The following ACSS2 variants were observed in gnomAD, a reference collection of about 807,000 sequenced individuals.
ACSS2 encodes the protein acetyl-coenzyme A synthetase, cytoplasmic.
In ACSS2, 58 loss-of-function variants were observed where a neutral mutation model predicts 90.6. The observed-to-expected ratio is 0.64, with a 90% confidence interval of 0.52 to 0.80. The LOEUF (loss-of-function observed/expected upper bound fraction) is 0.80. Among genes scored for constraint, ACSS2 ranks in the 30% least tolerant of loss-of-function variants. The pLI, the probability that ACSS2 is intolerant of heterozygous loss-of-function variation, is 0.00. For missense variants in ACSS2, 759 were observed against 912.0 expected, an observed-to-expected ratio of 0.83 and a Z score of 2.16; for synonymous variants, 300 against 330.9, an observed-to-expected ratio of 0.91 and a Z score of 1.01.
intron 1 of ACSS2, among the ~76,000 whole-genome samples, chr20:34,877,370 A>T (rs2079941437): frequency 6.6e-6 from 1 of 152,134 alleles, no homozygotes; most frequent in South Asian, 2.1e-4. Context: ...ATCTATTTTT[A>T]GTATATCGGA....
chr20:34,905,232 A>T (rs1374960249), intron 2 of ACSS2, among the ~76,000 whole-genome samples: 1 of 151,860 alleles, frequency 6.6e-6, no homozygotes, highest in Non-Finnish European at 1.5e-5. Flanking sequence ...GCTTTAAAAA[A>T]ATTAGTGGTC....
rs986120699 is a variant in ACSS2 at position 34,927,030 on chromosome 20, C to T, written c.1979-57C>T. On this transcript the variant is annotated intron_variant, in intron 17 of 17. Transcript: ENST00000360596. This position sits in a 1 kb window ranked among gnomAD's most constrained non-coding sequence, Gnocchi z 4.2. ...GGTGTGCGTGGATGAAAGCCTTTGG[C>T]AGGGCTAGGGTGGGTCAGTGCTTTC... is the stretch of plus-strand genomic sequence containing the variant. 33 of 1,613,776 alleles carry T rather than the reference C, an allele frequency of 2.0e-5. No individual in the cohort carries two copies. The Admixed American group carries it at 5.5e-4, about 27-fold the overall frequency.
At chr20:34,924,297 C>T (rs574661687) in intron 14 of ACSS2, among the ~76,000 whole-genome samples, 2 of 152,312 alleles carry the variant, frequency 1.3e-5, no homozygotes, top group South Asian at 2.1e-4. Flanking sequence ...TAAGGGGAGA[C>T]AGACAAACCC....
rs531124938 is a variant in ACSS2 at position 34,904,983 on chromosome 20, A to G, written c.375-8113A>G. 4.7e-5 allele frequency among the ~76,000 whole-genome samples: 7 copies of G among 147,958 alleles called. No homozygotes were observed. In the East Asian group the frequency reaches 5.9e-4, roughly 13 times the overall value. ...GCTAGGCTAGAGTATAGTAGCATCA[A>G]CGTGGCTCACTGCAGCCTTGACCTC... is the stretch of plus-strand genomic sequence containing the variant. On this transcript the variant is annotated intron_variant, in intron 2 of 17. Transcript: ENST00000360596.
At chr20:34,924,563 C>T (rs569426459) in intron 14 of ACSS2, among the ~76,000 whole-genome samples, 13 of 152,082 alleles carry the variant, frequency 8.5e-5, no homozygotes, top group African/African-American at 3.1e-4. Context: ...GTGGCTGGAG[C>T]GTAGCAAGCA....
At chr20:34,915,866 G>T (rs2081066975) in intron 7 of ACSS2, among the ~76,000 whole-genome samples, 1 of 152,232 alleles carries the variant, frequency 6.6e-6, no homozygotes, top group African/African-American at 2.4e-5. Context: ...CGAGGAAAGA[G>T]TGGGCCTGAA....
chr20:34,898,960 C>G (rs6058138), intron 2 of ACSS2, among the ~76,000 whole-genome samples: 1 of 152,232 alleles, frequency 6.6e-6, no homozygotes, highest in African/African-American at 2.4e-5. Context: ...GGGAAGGCAG[C>G]TAAGGCCTGG....
chr20:34,875,157 C>A (rs186516325), upstream of ACSS2: 3 of 534,578 alleles, frequency 5.6e-6, no homozygotes, highest in East Asian at 1.1e-4. Flanking sequence ...GGAGGAGGGT[C>A]CTGCCTGACT....
chr20:34,896,012 A>G (rs935652849), intron 2 of ACSS2, among the ~76,000 whole-genome samples: 7 of 151,804 alleles, frequency 4.6e-5, no homozygotes, highest in African/African-American at 1.7e-4. Context: ...TGCTCTAGGC[A>G]TATTCCTCTT....
intron 2 of ACSS2, among the ~76,000 whole-genome samples, chr20:34,889,663 T>A (rs1430971998): frequency 1.3e-5 from 2 of 152,188 alleles, no homozygotes; most frequent in Non-Finnish European, 2.9e-5. Context: ...AGAAGCAGGG[T>A]AACCAATTAG....
chr20:34,921,687 C>A (rs1266629132), intron 12 of ACSS2, 87 bp downstream of exon 12: 3 of 1,608,416 alleles, frequency 1.9e-6, no homozygotes, highest in East Asian at 4.5e-5. Flanking sequence ...GAGAACTGGA[C>A]TGACATGTGT....
chr20:34,909,194 CAAAAA>C lies in ACSS2; in HGVS notation c.375-3883_375-3879del, dbSNP rs759144830. ...GCAACATAGTAGGATCCTGTCTTTG[CAAAAA>C]AAAAAAAAAAAAAAAAAAGGTAGCC... On this transcript the variant is annotated intron_variant, in intron 2 of 17. Coordinates refer to ENST00000360596, the MANE Select transcript of ACSS2 (RefSeq NM_018677.4). Among the ~76,000 whole-genome samples, 156 of 45,104 alleles carry C rather than the reference CAAAAA, an allele frequency of 3.5e-3. 1 individual carries two copies. Among genetic ancestry groups the C allele is most frequent in the African/African-American group, 0.012 (149 of 11,934 alleles). The allele number at this position is 45,104 out of a possible 152,430, so 29.6% of individuals were successfully genotyped here. A position where few individuals can be genotyped will look rare whatever the true frequency, so the allele number is the denominator to read the frequency against.
intron 2 of ACSS2, among the ~76,000 whole-genome samples, chr20:34,888,318 TA>T (rs767059156): frequency 5.5e-4 from 83 of 152,138 alleles, no homozygotes; most frequent in Non-Finnish European, 1.1e-3. Flanking sequence ...TAAACGTGGA[TA>T]AAAATAGCTT....
chr20:34,888,692 T>G (rs1402863015), intron 2 of ACSS2, among the ~76,000 whole-genome samples: 2 of 152,192 alleles, frequency 1.3e-5, no homozygotes, highest in African/African-American at 2.4e-5. Context: ...GAAGTGACAG[T>G]GCAGAGTGGG....
intron 2 of ACSS2, among the ~76,000 whole-genome samples, chr20:34,887,384 G>A (rs2080222131): frequency 6.6e-6 from 1 of 152,170 alleles, no homozygotes; most frequent in South Asian, 2.1e-4. Flanking sequence ...CAGATAAAAT[G>A]TGTTATTAGG....
intron 2 of ACSS2, among the ~76,000 whole-genome samples, chr20:34,902,102 T>TC (rs1235453969): frequency 9.6e-6 from 1 of 104,026 alleles, no homozygotes; most frequent in Non-Finnish European, 2.4e-5. Flanking sequence ...TAGTCTACTT[T>TC]TCCCCATAAT....
chr20:34,876,907 A>G (rs2295096), intron 1 of ACSS2, 84 bp downstream of exon 1: 214,763 of 915,512 alleles, frequency 0.23, 25,957 homozygotes, highest in South Asian at 0.37. Flanking sequence ...TCCCTTGGGA[A>G]GCTGAGGGGT....
intron 2 of ACSS2, among the ~76,000 whole-genome samples, chr20:34,898,239 T>C (rs2080515305): frequency 6.6e-6 from 1 of 152,190 alleles, no homozygotes; most frequent in Admixed American, 6.5e-5. Context: ...TTACCACTGC[T>C]GGCTGGGGCA....
intron 7 of ACSS2, chr20:34,915,070 A>G (rs1025129729): frequency 2.5e-6 from 2 of 804,404 alleles, no homozygotes; most frequent in Non-Finnish European, 4.2e-6. Flanking sequence ...TTTTACATAT[A>G]TAGGGGCTGG....
Sources: gnomAD v4.1 joint callset for allele counts (sites outside exome capture counted in the v4.1 genomes callset) on GRCh38, gnomAD v4.1.1 for gene constraint, Gnocchi (gnomAD v3.1) non-coding constraint, MANE v1.5 for transcripts, NCBI Gene and HGNC (gene_info 2026-07-23, HGNC 2026-07-21) for gene names.